LRRC4C: variants seen among roughly 807,000 people sequenced by gnomAD.
LRRC4C encodes the protein leucine rich repeat containing 4C.
Under a neutral mutation model 33.6 loss-of-function variants are expected in LRRC4C, and 5 were observed. The ratio of observed to expected loss-of-function variants is 0.15; its 90% CI spans 0.08 to 0.31. The LOEUF (loss-of-function observed/expected upper bound fraction) is 0.31, where lower values mean the gene tolerates loss of function less well. LRRC4C is among the 10% of genes least tolerant of loss of function. LRRC4C has a pLI of 1.00. For synonymous variants in LRRC4C, 329 were observed against 302.0 expected (o/e 1.09, Z -0.93); for missense variants, 560 against 796.7 (o/e 0.70, Z 3.58).
At chr11:40,699,929 C>A (rs1414916996) in intron 2 of LRRC4C, among the ~76,000 whole-genome samples, 2 of 152,128 alleles carry the variant, frequency 1.3e-5, no homozygotes, top group Non-Finnish European at 2.9e-5. Context: ...GTTTAGAAGT[C>A]TTTTTTAATT....
At chr11:40,130,156 A>G (rs1856546267) in intron 6 of LRRC4C, among the ~76,000 whole-genome samples, 1 of 152,158 alleles carries the variant, frequency 6.6e-6, no homozygotes, top group Admixed American at 6.5e-5. Context: ...CTTTAGTGAA[A>G]TGTATAACCA....
intron 3 of LRRC4C, among the ~76,000 whole-genome samples, chr11:40,365,760 C>T (rs1364045175): frequency 6.6e-6 from 1 of 152,000 alleles, no homozygotes; most frequent in Non-Finnish European, 1.5e-5. Flanking sequence ...ACTTCATTGT[C>T]ACTTTGATTT....
chr11:41,345,124 T>C (rs565445452), intron 1 of LRRC4C, among the ~76,000 whole-genome samples: 1 of 152,332 alleles, frequency 6.6e-6, no homozygotes, highest in South Asian at 2.1e-4. Context: ...AAATAAGCTA[T>C]GTTTTCATGA....
At chr11:40,832,098 C>T (rs1952439962) in intron 2 of LRRC4C, among the ~76,000 whole-genome samples, 1 of 152,130 alleles carries the variant, frequency 6.6e-6, no homozygotes, top group Non-Finnish European at 1.5e-5. Context: ...TAGCCCAGTT[C>T]ACCCCCCAGG....
rs551349242 is a variant in LRRC4C at position 41,068,904 on chromosome 11, T to C, written c.-495-135181A>G. Among the ~76,000 whole-genome samples, 14 of 152,186 alleles carry C rather than the reference T, an allele frequency of 9.2e-5. No individual in the cohort carries two copies. In the South Asian group the frequency reaches 1.7e-3, roughly 18 times the overall value. On this transcript the variant is annotated intron_variant, in intron 1 of 6. Coordinates refer to ENST00000528697, the MANE Select transcript of LRRC4C (RefSeq NM_001258419.2). Reference sequence around the variant, plus strand: ...GAAACAACTGAAAAAGAGGGACTCCTCCCTAACTCATTATATGAGGCCAGC... The same window carrying C: ...GAAACAACTGAAAAAGAGGGACTCCCCCCTAACTCATTATATGAGGCCAGC...
intron 1 of LRRC4C, among the ~76,000 whole-genome samples, chr11:41,395,236 T>C (rs1953761699): frequency 6.6e-6 from 1 of 151,994 alleles, no homozygotes; most frequent in Non-Finnish European, 1.5e-5. Flanking sequence ...TGAACACCTC[T>C]TGTGTACACC....
intron 3 of LRRC4C, among the ~76,000 whole-genome samples, chr11:40,533,037 T>A (rs1201591040): frequency 6.6e-6 from 1 of 152,076 alleles, no homozygotes; most frequent in Non-Finnish European, 1.5e-5. Flanking sequence ...CCTGATTCAA[T>A]TGCCTCCACC....
chr11:40,203,089 T>G (rs1862887760), intron 5 of LRRC4C, among the ~76,000 whole-genome samples: 1 of 152,168 alleles, frequency 6.6e-6, no homozygotes, highest in Non-Finnish European at 1.5e-5. Flanking sequence ...TATTTGAAAA[T>G]GCCCCTCTAA....
At chr11:41,037,321 G>A (rs547229119) in intron 1 of LRRC4C, among the ~76,000 whole-genome samples, 82 of 149,896 alleles carry the variant, frequency 5.5e-4, no homozygotes, top group African/African-American at 2.0e-3. Context: ...GAAAGTGATT[G>A]ATCAAATTTT....
At chr11:40,845,741 T>C (rs1259762048) in intron 2 of LRRC4C, among the ~76,000 whole-genome samples, 1 of 152,182 alleles carries the variant, frequency 6.6e-6, no homozygotes, top group Non-Finnish European at 1.5e-5. Flanking sequence ...TTCTAGATAC[T>C]TGAGGAATTG....
At chr11:40,777,233 T>C (rs1402678335) in intron 2 of LRRC4C, among the ~76,000 whole-genome samples, 1 of 152,202 alleles carries the variant, frequency 6.6e-6, no homozygotes, top group Non-Finnish European at 1.5e-5. Context: ...ATGTCTATTA[T>C]GTCCAATTTG....
At chr11:40,948,282 C>G (rs1958504057) in intron 1 of LRRC4C, among the ~76,000 whole-genome samples, 1 of 152,082 alleles carries the variant, frequency 6.6e-6, no homozygotes, top group African/African-American at 2.4e-5. Context: ...ACTATGAAAT[C>G]CTAAGAACAT....
chr11:41,304,181 A>G (rs1343178214), intron 1 of LRRC4C, among the ~76,000 whole-genome samples: 3 of 105,966 alleles, frequency 2.8e-5, no homozygotes, highest in Admixed American at 9.6e-5. Context: ...TGGGGGGGTC[A>G]GCCCCCCGCC....
intron 1 of LRRC4C, among the ~76,000 whole-genome samples, chr11:41,165,357 G>A (rs1944672930): frequency 6.6e-6 from 1 of 152,090 alleles, no homozygotes; most frequent in African/African-American, 2.4e-5. Flanking sequence ...TCATGATTCA[G>A]GGATGTTGCT....
intron 1 of LRRC4C, among the ~76,000 whole-genome samples, chr11:41,389,635 G>A (rs117720242): frequency 0.24 from 307 of 1,292 alleles, no homozygotes; most frequent in Non-Finnish European, 0.45. Context: ...ATAACAGTGA[G>A]CAGCAAAAAA....
intron 3 of LRRC4C, among the ~76,000 whole-genome samples, chr11:40,399,826 G>A (rs1027469412): frequency 2.6e-5 from 4 of 151,916 alleles, no homozygotes; most frequent in Non-Finnish European, 4.4e-5. Flanking sequence ...CATGTCATGC[G>A]AAAAATACCT....
intron 3 of LRRC4C, among the ~76,000 whole-genome samples, chr11:40,560,929 T>A (rs1957522649): frequency 6.6e-6 from 1 of 152,174 alleles, no homozygotes; most frequent in African/African-American, 2.4e-5. Flanking sequence ...GAGAGTTAAT[T>A]TAAGGACAAA....
Position 41,022,850 on chromosome 11 carries a change from C to G in LRRC4C, c.-495-89127G>C, listed in dbSNP as rs115316760. Among the ~76,000 whole-genome samples, 734 of 151,964 alleles carry G rather than the reference C, an allele frequency of 4.8e-3. 7 individuals are homozygous for G. Among genetic ancestry groups the G allele is most frequent in the African/African-American group, 0.017 (703 of 41,492 alleles). On this transcript the variant is annotated intron_variant, in intron 1 of 6. Transcript: ENST00000528697. ...TTTAGAAGCTATAAATGCCTCAAAA[C>G]GAAGAGAACACTCTTCTGCCAGAGT...
chr11:41,254,170 A>G (rs893654839), intron 1 of LRRC4C, among the ~76,000 whole-genome samples: 5 of 152,060 alleles, frequency 3.3e-5, no homozygotes, highest in Non-Finnish European at 7.4e-5. Flanking sequence ...CAGCAACTTC[A>G]TGGATTTGAA....
Sources: gnomAD v4.1 joint callset for allele counts (sites outside exome capture counted in the v4.1 genomes callset) on GRCh38, gnomAD v4.1.1 for gene constraint, MANE v1.5 for transcripts, NCBI Gene and HGNC (gene_info 2026-07-23, HGNC 2026-07-21) for gene names.